Variants in BCKDHB observed in about 807,000 individuals in gnomAD.
The protein encoded by BCKDHB is branched chain keto acid dehydrogenase E1 subunit beta.
A neutral mutation model predicts 48.5 loss-of-function variants in BCKDHB; 41 were observed. The observed-to-expected ratio is 0.85, with a 90% CI of 0.66 to 1.10. BCKDHB has a LOEUF of 1.10. BCKDHB is among the 50% of genes least tolerant of loss of function. The pLI is 0.00. For missense variants in BCKDHB, 496 were observed against 494.2 expected, an observed-to-expected ratio of 1.00 and a Z score of -0.03; for synonymous variants, 201 against 174.8, an observed-to-expected ratio of 1.15 and a Z score of -1.18.
intron 8 of BCKDHB, among the ~76,000 whole-genome samples, chr6:80,224,246 C>T (rs1775585202): frequency 6.6e-6 from 1 of 151,996 alleles, no homozygotes; most frequent in South Asian, 2.1e-4. Flanking sequence ...CAGAAGGCTC[C>T]CATGAGGTTT....
At chr6:80,182,141 T>C (rs758151973) in intron 6 of BCKDHB, among the ~76,000 whole-genome samples, 1 of 152,226 alleles carries the variant, frequency 6.6e-6, no homozygotes, top group Non-Finnish European at 1.5e-5. Flanking sequence ...CTTGTAAATC[T>C]ACAGTTCCAG....
chr6:80,432,634 G>A, the BCKDHB span, among the ~76,000 whole-genome samples: 8 of 152,030 alleles, frequency 5.3e-5, no homozygotes, highest in African/African-American at 1.4e-4. Flanking sequence ...TGCTCCTTTA[G>A]CTTGGAGGAG....
chr6:80,405,074 T>C, the BCKDHB span, among the ~76,000 whole-genome samples: 1 of 152,116 alleles, frequency 6.6e-6, no homozygotes, highest in Admixed American at 6.6e-5. Context: ...GTGCTGCTCA[T>C]GTTTACTGCT....
intron 9 of BCKDHB, among the ~76,000 whole-genome samples, chr6:80,315,693 A>C (rs1447395445): frequency 6.6e-6 from 1 of 151,556 alleles, no homozygotes. Flanking sequence ...ATCATAGTTC[A>C]CTGTATCTTC....
chr6:80,375,072 A>G, the BCKDHB span, among the ~76,000 whole-genome samples: 500 of 152,270 alleles, frequency 3.3e-3, 3 homozygotes, highest in Admixed American at 4.7e-3. Context: ...TTTGCCTTAC[A>G]GTTCTTAAAG....
At chr6:80,107,535 A>ATG (rs1433018301) in intron 1 of BCKDHB, among the ~76,000 whole-genome samples, 2 of 133,822 alleles carry the variant, frequency 1.5e-5, no homozygotes, top group African/African-American at 3.1e-5. Context: ...ATATGCATAT[A>ATG]TATATATGCA....
At chr6:80,227,508 G>GTATT (rs1775729074) in intron 8 of BCKDHB, among the ~76,000 whole-genome samples, 2 of 152,280 alleles carry the variant, frequency 1.3e-5, no homozygotes, top group Admixed American at 1.3e-4. Flanking sequence ...ACTCTGAAAA[G>GTATT]TATTTGGGTT....
At chr6:80,147,656 G>A (rs184968193) in intron 3 of BCKDHB, among the ~76,000 whole-genome samples, 9 of 152,256 alleles carry the variant, frequency 5.9e-5, no homozygotes, top group East Asian at 3.9e-4. Context: ...TTCGGTGTGC[G>A]TCAGAGGCCC....
chr6:80,114,113 G>C (rs1769557942), intron 1 of BCKDHB, among the ~76,000 whole-genome samples: 1 of 152,082 alleles, frequency 6.6e-6, no homozygotes, highest in Non-Finnish European at 1.5e-5. Flanking sequence ...TGGGAAGTTG[G>C]GGTTGGGGTT....
intron 9 of BCKDHB, among the ~76,000 whole-genome samples, chr6:80,291,520 C>A (rs1766915302): frequency 1.3e-5 from 2 of 152,194 alleles, no homozygotes; most frequent in Non-Finnish European, 2.9e-5. Flanking sequence ...GCAAAATTAT[C>A]CCAAGTAAAC....
At chr6:80,200,352 G>A (rs1236950485) in intron 6 of BCKDHB, among the ~76,000 whole-genome samples, 1 of 152,064 alleles carries the variant, frequency 6.6e-6, no homozygotes, top group Non-Finnish European at 1.5e-5. Context: ...GATTGATGAA[G>A]TGTTCATAGA....
At chr6:80,157,549 T>G (rs747263125) in intron 3 of BCKDHB, among the ~76,000 whole-genome samples, 4 of 139,782 alleles carry the variant, frequency 2.9e-5, no homozygotes, top group Non-Finnish European at 6.1e-5. Flanking sequence ...CACCGCAACC[T>G]CCGCCTCCCA....
the BCKDHB span, among the ~76,000 whole-genome samples, chr6:80,353,739 G>A: frequency 6.6e-6 from 1 of 152,262 alleles, no homozygotes; most frequent in African/African-American, 2.4e-5. Flanking sequence ...TGTAGTCCCA[G>A]CAACTTGGGA....
chr6:80,312,234 T>G (rs1053669529), intron 9 of BCKDHB, among the ~76,000 whole-genome samples: 14 of 147,706 alleles, frequency 9.5e-5, no homozygotes, highest in African/African-American at 3.8e-4. Flanking sequence ...GCTTGCCTGT[T>G]GTTAGTGTAT....
chr6:80,168,639 C>T (rs1582274348), intron 4 of BCKDHB, among the ~76,000 whole-genome samples: 2 of 102,234 alleles, frequency 2.0e-5, no homozygotes, highest in African/African-American at 4.1e-5. Context: ...GAGGGAGGGA[C>T]GAGACCCTGT....
the BCKDHB span, among the ~76,000 whole-genome samples, chr6:80,438,495 C>T: frequency 6.6e-6 from 1 of 152,056 alleles, no homozygotes; most frequent in African/African-American, 2.4e-5. Context: ...AAAAGTGATA[C>T]AATTTTTTGT....
At position 80,343,819 on chromosome 6, in the gene BCKDHB, A is replaced by G. The variant is rs1461018572; in HGVS notation, c.*15A>G. On this transcript the variant is annotated 3_prime_UTR_variant, in exon 10 of 10. Coordinates refer to ENST00000320393, the MANE Select transcript of BCKDHB (RefSeq NM_183050.4). ...TCAACTATTGACCATATAGGTAGGT[A>G]TGCATCTTGAGAAAGCTACTATGTG... 2.5e-6 allele frequency: 4 copies of G among 1,613,544 alleles called. No individual in the cohort carries two copies. Among genetic ancestry groups the G allele is most frequent in the African/African-American group, 1.3e-5 (1 of 74,896 alleles).
chr6:80,237,034 C>T (rs1209241219), intron 8 of BCKDHB, among the ~76,000 whole-genome samples: 1 of 152,060 alleles, frequency 6.6e-6, no homozygotes, highest in Non-Finnish European at 1.5e-5. Flanking sequence ...TTGTAGAAGA[C>T]ATTGTAAACA....
the BCKDHB span, among the ~76,000 whole-genome samples, chr6:80,418,837 G>T: frequency 7.2e-5 from 11 of 152,196 alleles, no homozygotes; most frequent in Non-Finnish European, 1.3e-4. Context: ...CTGCCTCTCT[G>T]TGGGTGTTCA....
Sources: gnomAD v4.1 joint callset for allele counts (sites outside exome capture counted in the v4.1 genomes callset) on GRCh38, gnomAD v4.1.1 for gene constraint, MANE v1.5 for transcripts, NCBI Gene and HGNC (gene_info 2026-07-23, HGNC 2026-07-21) for gene names.